Variants in DPY19L3 observed in about 807,000 individuals in gnomAD.
The protein encoded by DPY19L3 is protein C-mannosyl-transferase DPY19L3.
Under a neutral mutation model 92.3 loss-of-function variants are expected in DPY19L3, and 51 were observed. The ratio of observed to expected loss-of-function variants is 0.55; its 90% CI spans 0.44 to 0.70. The LOEUF (loss-of-function observed/expected upper bound fraction) is 0.70. Ranked by LOEUF, DPY19L3 falls within the 30% of genes least tolerant of loss-of-function variation. The pLI is 0.00. For missense variants in DPY19L3, 706 were observed against 855.9 expected, an observed-to-expected ratio of 0.82 and a Z score of 2.18; for synonymous variants, 309 against 315.2, an observed-to-expected ratio of 0.98 and a Z score of 0.21.
intron 1 of DPY19L3, among the ~76,000 whole-genome samples, 184 bp from the exon 2 acceptor site, chr19:32,408,033 C>T (rs1017490871): frequency 7.3e-5 from 11 of 151,626 alleles, no homozygotes; most frequent in East Asian, 1.9e-4. Flanking sequence ...TACAGTGAGC[C>T]GTGATGGTGC....
At chr19:32,408,160 C>T in intron 1 of DPY19L3, 57 bp from the exon 2 acceptor site, 2 of 838,402 alleles carry the variant, frequency 2.4e-6, no homozygotes, top group South Asian at 3.1e-5. Context: ...CATGGATGAG[C>T]ACGGGGTGTG....
intron 8 of DPY19L3, among the ~76,000 whole-genome samples, chr19:32,448,987 C>T (rs529137009): frequency 1.3e-5 from 2 of 152,188 alleles, no homozygotes; most frequent in Admixed American, 1.3e-4. Flanking sequence ...TCTAGAAATA[C>T]TCTCACTTGA....
Position 32,408,239 on chromosome 19 carries a change from T to C in DPY19L3, c.-15T>C. On this transcript the variant is annotated 5_prime_UTR_variant, in exon 2 of 19. It removes an upstream start codon present in the reference 5' UTR. Transcript: ENST00000392250. Reference sequence around the variant, plus strand: ...TAGGAGTGATTTGGAGAACAATGCATGTAAGTCTGACATCATGATGTCCAT... The same window carrying C: ...TAGGAGTGATTTGGAGAACAATGCACGTAAGTCTGACATCATGATGTCCAT... 2 of 1,594,882 alleles carry C rather than the reference T, an allele frequency of 1.3e-6. No individual in the cohort carries two copies. Among genetic ancestry groups the C allele is most frequent in the East Asian group, 2.2e-5 (1 of 44,780 alleles).
At chr19:32,450,390 C>T (rs573048495) in intron 8 of DPY19L3, among the ~76,000 whole-genome samples, 4 of 152,214 alleles carry the variant, frequency 2.6e-5, no homozygotes, top group Non-Finnish European at 5.9e-5. Context: ...TAGATACATA[C>T]CCAAGAGAAA....
intron 16 of DPY19L3, among the ~76,000 whole-genome samples, chr19:32,475,768 TGA>T (rs1970488012): frequency 6.6e-6 from 1 of 152,218 alleles, no homozygotes; most frequent in African/African-American, 2.4e-5. Context: ...GGACAGAATG[TGA>T]GAGAGTCCCT....
chr19:32,441,040 CT>C (rs1404836256), intron 8 of DPY19L3, among the ~76,000 whole-genome samples: 2 of 152,142 alleles, frequency 1.3e-5, no homozygotes, highest in Non-Finnish European at 2.9e-5. Context: ...CCAGTGACCA[CT>C]CCTACACTGC....
At chr19:32,427,057 G>A (rs758959257) in intron 3 of DPY19L3, among the ~76,000 whole-genome samples, 2 of 152,078 alleles carry the variant, frequency 1.3e-5, no homozygotes, top group African/African-American at 4.8e-5. Context: ...GCAGAGGTGC[G>A]ATCTCGGCTC....
chr19:32,463,995 T>G lies in DPY19L3; in HGVS notation c.1557+15T>G, dbSNP rs751805928. 4 of 1,536,504 alleles carry G rather than the reference T, an allele frequency of 2.6e-6. No individual in the cohort carries two copies. In the South Asian group the frequency reaches 4.7e-5, roughly 18 times the overall value. On this transcript the variant is annotated intron_variant, in intron 14 of 18. Transcript: ENST00000392250. ...ACCCAAAGAGGGTCAGTGTCATCCC[T>G]TTTTCCATCTCCTTTTATGACTTGC...
chr19:32,431,909 A>G (rs189157612), intron 3 of DPY19L3, among the ~76,000 whole-genome samples: 1 of 152,344 alleles, frequency 6.6e-6, no homozygotes, highest in East Asian at 1.9e-4. Flanking sequence ...CATACCATCA[A>G]TACGGTGAAA....
chr19:32,482,415 G>A lies in DPY19L3; in HGVS notation c.*175G>A. On this transcript the variant is annotated 3_prime_UTR_variant, in exon 19 of 19. Transcript: ENST00000392250. ...TCTTTGAAAGCATCTTCTACAAGCA[G>A]AAGTCTTTTTCGTTGTGTGTCTATC... The A allele has an allele frequency of 1.4e-6, 1 of 690,410 alleles. No individual in the cohort carries two copies. The highest frequency in any genetic ancestry group is 3.2e-5 in the Admixed American group (1 of 31,198). 42.8% of individuals were successfully genotyped at this position (690,410 alleles called of 1,614,324 possible).
chr19:32,421,590 T>C (rs1375967082), intron 3 of DPY19L3, among the ~76,000 whole-genome samples: 1 of 144,390 alleles, frequency 6.9e-6, no homozygotes, highest in Non-Finnish European at 1.5e-5. Context: ...ATTGCACCAC[T>C]GCACTCCAGC....
intron 3 of DPY19L3, among the ~76,000 whole-genome samples, chr19:32,431,238 G>A (rs776559723): frequency 6.6e-6 from 1 of 152,014 alleles, no homozygotes; most frequent in African/African-American, 2.4e-5. Context: ...AATTAGCCGG[G>A]CATGGTGCAC....
intron 15 of DPY19L3, among the ~76,000 whole-genome samples, chr19:32,466,175 A>C (rs111241370): frequency 3.3e-5 from 5 of 152,246 alleles, no homozygotes; most frequent in African/African-American, 1.2e-4. Flanking sequence ...TTTTGTTCGT[A>C]ATAAAATTGA....
intron 3 of DPY19L3, among the ~76,000 whole-genome samples, chr19:32,423,447 G>T: frequency 8.8e-6 from 1 of 113,402 alleles, no homozygotes; most frequent in Non-Finnish European, 1.9e-5. Context: ...ACAGGGTTTT[G>T]CCATGTCAGG....
intron 1 of DPY19L3, chr19:32,406,402 C>T (rs529955737): frequency 2.6e-5 from 4 of 152,226 alleles, no homozygotes; most frequent in Non-Finnish European, 5.9e-5. Context: ...CTGTCTCGCC[C>T]AGGCTGGAGT....
At chr19:32,477,757 T>C in intron 17 of DPY19L3, 103 bp downstream of exon 17, 2 of 1,470,714 alleles carry the variant, frequency 1.4e-6, no homozygotes, top group Non-Finnish European at 1.8e-6. Context: ...CCTCCAGCAT[T>C]AGGTTAGGAG....
Position 32,436,445 on chromosome 19 carries a change from G to A in DPY19L3, c.329-1G>A. ...CTTCCTGACTTTTCACATATCTATA[G>A]GTTTTCATGGCCTAATATATGATAA... On this transcript the variant is annotated splice_acceptor_variant, in intron 4 of 18. Transcript: ENST00000392250. LOFTEE classifies it high-confidence loss of function. 1 of 1,490,652 alleles carries A rather than the reference G, an allele frequency of 6.7e-7. No individual in the cohort carries two copies. The highest frequency in any genetic ancestry group is 1.4e-5 in the African/African-American group (1 of 70,928). 92.3% of individuals were successfully genotyped at this position (1,490,652 alleles called of 1,614,324 possible).
At chr19:32,479,640 G>A (rs1318118370) in intron 17 of DPY19L3, 1 of 425,884 alleles carries the variant, frequency 2.3e-6, no homozygotes, top group Non-Finnish European at 4.7e-6. Flanking sequence ...CAACAAAGGA[G>A]GCAGTGCCTC....
chr19:32,467,680 G>A (rs926791610), intron 15 of DPY19L3: 17 of 987,396 alleles, frequency 1.7e-5, no homozygotes, highest in Admixed American at 1.2e-4. Flanking sequence ...TATTTTCTAC[G>A]TCAGTGGAGC....
Sources: gnomAD v4.1 joint callset for allele counts (sites outside exome capture counted in the v4.1 genomes callset) on GRCh38, gnomAD v4.1.1 for gene constraint, MANE v1.5 for transcripts, NCBI Gene and HGNC (gene_info 2026-07-23, HGNC 2026-07-21) for gene names.